The following EPHB1 variants were observed in gnomAD, a reference collection of about 807,000 sequenced individuals.
EPHB1 encodes the protein EPH receptor B1, also known as ephrin type-B receptor 1.
In EPHB1, 30 loss-of-function variants were observed where a neutral mutation model predicts 94.4. The observed-to-expected ratio is 0.32, with a 90% CI of 0.24 to 0.43. EPHB1 has a LOEUF of 0.43. Among genes scored for constraint, EPHB1 ranks in the 20% least tolerant of loss-of-function variants. The pLI is 1.00. For missense variants in EPHB1, 1,055 were observed against 1,308.3 expected (o/e 0.81, Z 2.99); for synonymous variants, 522 against 489.1 (o/e 1.07, Z -0.89).
intron 3 of EPHB1, among the ~76,000 whole-genome samples, chr3:135,095,618 C>T (rs17408154): frequency 0.067 from 10,253 of 152,146 alleles, 394 homozygotes; most frequent in African/African-American, 0.099. Flanking sequence ...GAGTGGGTGA[C>T]ATGAGCTCAG....
intron 13 of EPHB1, among the ~76,000 whole-genome samples, chr3:135,243,401 A>T (rs991874943): frequency 6.6e-6 from 1 of 152,152 alleles, no homozygotes; most frequent in Admixed American, 6.5e-5. Flanking sequence ...TGAGTGGAGG[A>T]GGTAAGGGAA....
chr3:134,829,210 A>C (rs1026755619), intron 1 of EPHB1, among the ~76,000 whole-genome samples: 1 of 152,224 alleles, frequency 6.6e-6, no homozygotes, highest in Non-Finnish European at 1.5e-5. Context: ...TCTTTTAATT[A>C]ACCACCACTA....
chr3:135,132,325 T>C (rs1287492946), intron 4 of EPHB1, among the ~76,000 whole-genome samples: 1 of 150,810 alleles, frequency 6.6e-6, no homozygotes, highest in African/African-American at 2.5e-5. Context: ...ACCCTTGAGT[T>C]CTACACCAAT....
intron 3 of EPHB1, among the ~76,000 whole-genome samples, chr3:135,019,126 C>A (rs1935904188): frequency 6.6e-6 from 1 of 152,116 alleles, no homozygotes; most frequent in Non-Finnish European, 1.5e-5. Context: ...AGGCCCCACA[C>A]CCCATACCTC....
chr3:134,950,733 C>G (rs1199998149), intron 2 of EPHB1, among the ~76,000 whole-genome samples: 2 of 152,196 alleles, frequency 1.3e-5, no homozygotes, highest in African/African-American at 2.4e-5. Context: ...CACCTCCCAC[C>G]AGGCCCCACC....
At chr3:135,243,090 AAAAAGAAAAGAAAAG>A (rs869264520) in intron 13 of EPHB1, among the ~76,000 whole-genome samples, 1 of 77,940 alleles carries the variant, frequency 1.3e-5, no homozygotes, top group South Asian at 5.5e-4. Flanking sequence ...AAAAAAAAAA[AAAAAGAAAAGAAAAG>A]AAAAGAAAAA....
At chr3:134,957,773 G>A (rs114648206) in intron 3 of EPHB1, among the ~76,000 whole-genome samples, 3,108 of 152,254 alleles carry the variant, frequency 0.02, 116 homozygotes, top group African/African-American at 0.071. Flanking sequence ...GATCAAACCT[G>A]CAGGACTCCT....
intron 12 of EPHB1, among the ~76,000 whole-genome samples, chr3:135,226,662 C>G (rs1233727741): frequency 6.6e-6 from 1 of 152,148 alleles, no homozygotes; most frequent in Non-Finnish European, 1.5e-5. Context: ...ACTTTCTTCC[C>G]CTACACCTGG....
chr3:135,044,159 T>G (rs768103681), intron 3 of EPHB1, among the ~76,000 whole-genome samples: 2 of 152,214 alleles, frequency 1.3e-5, no homozygotes, highest in Non-Finnish European at 2.9e-5. Context: ...TGCCAGGATG[T>G]GAAGGGGCAG....
intron 3 of EPHB1, among the ~76,000 whole-genome samples, chr3:135,000,368 T>G (rs1935134400): frequency 1.3e-5 from 2 of 152,118 alleles, no homozygotes; most frequent in South Asian, 4.1e-4. Flanking sequence ...TACAGGAAAC[T>G]GACAGAAAGA....
intron 2 of EPHB1, among the ~76,000 whole-genome samples, chr3:134,928,939 G>A (rs147259100): frequency 8.5e-5 from 13 of 152,222 alleles, no homozygotes; most frequent in African/African-American, 2.9e-4. Context: ...GCTTCTGCGT[G>A]TTAAACATTT....
At chr3:134,978,394 G>A (rs1474416631) in intron 3 of EPHB1, among the ~76,000 whole-genome samples, 1 of 152,122 alleles carries the variant, frequency 6.6e-6, no homozygotes, top group East Asian at 1.9e-4. Flanking sequence ...CCATAAAAAA[G>A]TCTGAAAACC....
intron 1 of EPHB1, among the ~76,000 whole-genome samples, chr3:134,900,481 T>C (rs145038103): frequency 1.6e-4 from 25 of 152,232 alleles, no homozygotes; most frequent in Admixed American, 3.9e-4. Flanking sequence ...AGAGGTAGAA[T>C]CTTGGTCCTG....
chr3:134,890,014 A>T (rs145822305), intron 1 of EPHB1, among the ~76,000 whole-genome samples: 21 of 152,300 alleles, frequency 1.4e-4, no homozygotes, highest in Non-Finnish European at 2.8e-4. Flanking sequence ...ACTTCAAGAA[A>T]GGAAAGAGAG....
In EPHB1 at chr3:135,054,040, T is replaced by TACACAC. The variant is rs1553727022; in HGVS notation, c.806-52382_806-52377dup. ...GTGTGTCTGCATATATATATATATA[T>TACACAC]ACACACACACACACACACACACACA... On this transcript the variant is annotated intron_variant, in intron 3 of 15. Transcript: ENST00000398015. Among the ~76,000 whole-genome samples the TACACAC allele has an allele frequency of 5.4e-3, 749 of 139,862 alleles. 5 individuals are homozygous for TACACAC. The highest frequency in any genetic ancestry group is 8.3e-3 in the South Asian group (35 of 4,198). 91.8% of individuals were successfully genotyped at this position (139,862 alleles called of 152,430 possible).
At chr3:135,245,179 G>A (rs1943889206) in intron 13 of EPHB1, among the ~76,000 whole-genome samples, 1 of 152,176 alleles carries the variant, frequency 6.6e-6, no homozygotes, top group Admixed American at 6.5e-5. Context: ...CCTTCTGTGT[G>A]ATGAGGATTC....
chr3:134,819,306 C>A (rs2036335527), intron 1 of EPHB1, among the ~76,000 whole-genome samples: 1 of 152,066 alleles, frequency 6.6e-6, no homozygotes, highest in Non-Finnish European at 1.5e-5. Context: ...CCCATTTGTG[C>A]ATAGGTGTCT....
At chr3:135,226,877 C>T (rs1477260955) in intron 12 of EPHB1, among the ~76,000 whole-genome samples, 3 of 151,278 alleles carry the variant, frequency 2.0e-5, no homozygotes, top group African/African-American at 4.9e-5. Flanking sequence ...GCAACATAGA[C>T]GGAGCTGGAT....
At chr3:135,042,141 A>C (rs1016365176) in intron 3 of EPHB1, among the ~76,000 whole-genome samples, 1 of 152,176 alleles carries the variant, frequency 6.6e-6, no homozygotes, top group African/African-American at 2.4e-5. Flanking sequence ...CATATTGCCC[A>C]GGCTGGACTC....
Sources: gnomAD v4.1 joint callset for allele counts (sites outside exome capture counted in the v4.1 genomes callset) on GRCh38, gnomAD v4.1.1 for gene constraint, MANE v1.5 for transcripts, NCBI Gene and HGNC (gene_info 2026-07-23, HGNC 2026-07-21) for gene names.